The following SLC7A4 variants were observed in gnomAD, a reference collection of about 807,000 sequenced individuals.
SLC7A4 encodes cationic amino acid transporter 4.
In SLC7A4, 30 loss-of-function variants were observed where a neutral mutation model predicts 37.8. That is an observed-to-expected ratio of 0.79 (90% CI 0.59 to 1.08). The LOEUF is 1.08. Ranked by LOEUF, SLC7A4 falls within the 50% of genes least tolerant of loss-of-function variation. The probability of loss-of-function intolerance (pLI) is 0.00; values close to 1 mark genes in which losing one functional copy is unlikely to be tolerated. For synonymous variants in SLC7A4, 359 were observed against 376.5 expected, an observed-to-expected ratio of 0.95 and a Z score of 0.54; for missense variants, 839 against 843.2, an observed-to-expected ratio of 1.00 and a Z score of 0.06.
Position 21,029,241 on chromosome 22 carries a change from C to A in SLC7A4, c.1733-11G>T. The A allele has an allele frequency of 6.2e-7, 1 of 1,613,380 alleles. No homozygotes were observed. Among genetic ancestry groups the A allele is most frequent in the Non-Finnish European group, 8.5e-7 (1 of 1,179,818 alleles). ...AATACACTGCAAGTCCTAGACAGGG[C>A]AGGAGGCAGGGCATGAGCCTGAGGT... On this transcript the variant is annotated splice_polypyrimidine_tract_variant and intron_variant, in intron 4 of 4. Transcript: ENST00000382932.
chr22:21,032,290 CACAG>C (rs1173294473), intron 1 of SLC7A4, among the ~76,000 whole-genome samples: 20 of 152,182 alleles, frequency 1.3e-4, no homozygotes, highest in Non-Finnish European at 2.8e-4. Flanking sequence ...GCCACCTGGC[CACAG>C]ACAGACAGTG....
At position 21,029,884 on chromosome 22, in the gene SLC7A4, C is replaced by T. The variant is rs775131213; in HGVS notation, c.1450G>A (p.Val484Ile). 1.7e-5 allele frequency: 27 copies of T among 1,613,686 alleles called. No individual in the cohort carries two copies. Among genetic ancestry groups the T allele is most frequent in the East Asian group, 1.1e-4 (5 of 44,884 alleles). ...ATGGTGATGGCTGAGGCCAACATAA[C>T]GCCAAGCGCCCAAGTCACCACTGCT... Reference protein sequence around the residue: ...PGAVVTWALGVMLASAITIGC... With the variant: ...PGAVVTWALGIMLASAITIGC... Residue 484 changes from valine (V) to isoleucine (I), a missense_variant, in exon 3 of 5, where the codon GTT (valine) becomes ATT (isoleucine). Physicochemically the swap from Val to Ile is conservative, Grantham distance 29. Transcript: ENST00000382932.
chr22:21,031,493 T>C lies in SLC7A4; in HGVS notation c.320A>G (p.Tyr107Cys), dbSNP rs370199009. The C allele has an allele frequency of 1.3e-5, 21 of 1,609,966 alleles. No homozygotes were observed. The highest frequency in any genetic ancestry group is 1.7e-5 in the Admixed American group (1 of 59,638). Residue 107 changes from tyrosine to cysteine, a missense_variant, in exon 2 of 5, where the codon TAC becomes TGC. Coordinates refer to ENST00000382932, the MANE Select transcript of SLC7A4 (RefSeq NM_004173.3). ...PRTGSAYLFT[Y>C]VSMGELWAFL... ...GGCCCACAGCTCGCCCATGGATACG[T>C]AGGTGAACAGGTAGGCAGAGCCCGT...
chr22:21,029,308 C>T (rs1221932297), intron 4 of SLC7A4, 28 bp downstream of exon 4: 2 of 1,611,964 alleles, frequency 1.2e-6, no homozygotes, highest in East Asian at 2.2e-5. Flanking sequence ...CTCCTCCTGA[C>T]CCCGGTCCCA....
chr22:21,029,649 G>T, intron 3 of SLC7A4, 62 bp downstream of exon 3: 1 of 1,531,216 alleles, frequency 6.5e-7, no homozygotes, highest in Non-Finnish European at 8.9e-7. Context: ...TGGGATGGTA[G>T]TGGGGGAAGG....
chr22:21,031,923 G>C (rs557853006), intron 1 of SLC7A4, 71 bp from the exon 2 acceptor site: 4 of 1,117,684 alleles, frequency 3.6e-6, no homozygotes, highest in Admixed American at 6.9e-5. Flanking sequence ...CTCCTGGTCT[G>C]ACCACCCCCA....
chr22:21,028,982 G>A lies in SLC7A4; in HGVS notation c.*73C>T. 1 of 1,475,750 alleles carries A rather than the reference G, an allele frequency of 6.8e-7. No individual in the cohort carries two copies. Among genetic ancestry groups the A allele is most frequent in the Non-Finnish European group, 9.1e-7 (1 of 1,104,854 alleles). 91.4% of individuals were successfully genotyped at this position (1,475,750 alleles called of 1,614,324 possible). A position where few individuals can be genotyped will look rare whatever the true frequency, so the allele number is the denominator to read the frequency against. ...AACCCAGGCTGCCCACAACAGAAGG[G>A]GCTCTCGGCTTGTCTGGCCTCTCTG... On this transcript the variant is annotated 3_prime_UTR_variant, in exon 5 of 5. Transcript: ENST00000382932.
chr22:21,030,786 C>T (rs1338812517), intron 2 of SLC7A4, 45 bp downstream of exon 2: 1 of 1,521,732 alleles, frequency 6.6e-7, no homozygotes, highest in African/African-American at 1.4e-5. Context: ...GACAAGGTCC[C>T]CCTTGCTCTT....
chr22:21,030,345 T>C lies in SLC7A4; in HGVS notation c.989A>G (p.Asn330Ser). ...GAAGAGGAGGCTGAGCAGGACGGTG[T>C]TCATGGCTGTAGCAGAGAGAGTGGG... Reference protein sequence around the residue: ...IVAAGSICAMNTVLLSLLFSL... With the variant: ...IVAAGSICAMSTVLLSLLFSL... Residue 330 changes from asparagine to serine, a missense_variant, in exon 3 of 5, where the codon AAC (asparagine) becomes AGC (serine). By Grantham distance (46) the Asn-to-Ser change is conservative (BLOSUM62 1). Transcript: ENST00000382932. 1 of 1,601,662 alleles carries C rather than the reference T, an allele frequency of 6.2e-7. No homozygotes were observed. Among genetic ancestry groups the C allele is most frequent in the South Asian group, 1.1e-5 (1 of 89,804 alleles).
rs1928886410 is a variant in SLC7A4 at position 21,031,572 on chromosome 22, C to G, written c.241G>C (p.Ala81Pro). Residue 81 changes from alanine to proline, a missense_variant, in exon 2 of 5, where the codon GCC becomes CCC. Physicochemically the swap from Ala to Pro is conservative, Grantham distance 27. Coordinates refer to ENST00000382932, the MANE Select transcript of SLC7A4 (RefSeq NM_004173.3). ...TAGCATAGGGCTGCCAGCAGGGAGG[C>G]CACAGCGGCCACACCGAAGGACAAG... Reference protein sequence around the residue: ...VLLSFGVAAVASLLAALCYAE... With the variant: ...VLLSFGVAAVPSLLAALCYAE... The G allele has an allele frequency of 6.2e-7, 1 of 1,606,858 alleles. No homozygotes were observed. The highest frequency in any genetic ancestry group is 1.7e-5 in the Admixed American group (1 of 59,310).
In SLC7A4 at chr22:21,029,408, C is replaced by T. The variant is rs142051460; in HGVS notation, c.1660G>A (p.Val554Ile). Reference protein sequence around the residue: ...MVPLIPALSIVLNICLMLKLS... With the variant: ...MVPLIPALSIILNICLMLKLS... ...TTCAGCATGAGGCAGATGTTGAGGA[C>T]GATGCTCAGGGCTGGAATCAGGGGA... Residue 554 changes from valine to isoleucine, a missense_variant, in exon 4 of 5, where the codon GTC becomes ATC. Physicochemically the swap from Val to Ile is conservative, Grantham distance 29 (BLOSUM62 3). Coordinates refer to ENST00000382932, the MANE Select transcript of SLC7A4 (RefSeq NM_004173.3). 29 of 1,613,442 alleles carry T rather than the reference C, an allele frequency of 1.8e-5. No individual in the cohort carries two copies. Among genetic ancestry groups the T allele is most frequent in the Middle Eastern group, 1.6e-4 (1 of 6,084 alleles).
In SLC7A4 at chr22:21,029,734, G is replaced by A. The variant is rs1426052986; in HGVS notation, c.1600C>T (p.Gln534Ter). 3.1e-6 allele frequency: 5 copies of A among 1,612,662 alleles called. No individual in the cohort carries two copies. Among genetic ancestry groups the A allele is most frequent in the Non-Finnish European group, 4.2e-6 (5 of 1,179,854 alleles). ...ACCTGAAATAAGTCTTCCCGATACT[G>A]TTGCTGGTGAGCCCCCAGGACAAGG... ...SLLVLGAHQQ[Q>*]YREDLFQIPM... Residue 534 changes from glutamine (Q) to a stop codon, truncating the protein, a stop_gained, in exon 3 of 5, where the codon CAG becomes TAG. Transcript: ENST00000382932. LOFTEE classifies it high-confidence loss of function.
Position 21,030,041 on chromosome 22 carries a change from CAG to C in SLC7A4, c.1291_1292del (p.Leu431AspfsTer23), listed in dbSNP as rs1928830281. On this transcript the variant is annotated frameshift_variant, in exon 3 of 5. Transcript: ENST00000382932. LOFTEE classifies it high-confidence loss of function. ...SSPGPASPGP[L>X]TKQQSSFSDH... ...CTGAGAAGGAGCTCTGCTGCTTGGT[CAG>C]GGGGCCAGGGCTGGCTGGGCCTGGG... The C allele has an allele frequency of 6.2e-7, 1 of 1,612,778 alleles. No individual in the cohort carries two copies. Among genetic ancestry groups the C allele is most frequent in the Non-Finnish European group, 8.5e-7 (1 of 1,179,548 alleles).
Position 21,031,660 on chromosome 22 carries a change from C to T in SLC7A4, c.153G>A (p.Val51=). ...DLTLLGVGGM[V]GSGLYVLTGA... ...CTGTGAGCACGTAGAGACCCGAGCC[C>T]ACCATGCCACCCACGCCCAGAAGAG... The change falls in exon 2 of 5, where the codon GTG becomes GTA. Residue 51 remains valine, a synonymous_variant. Coordinates refer to ENST00000382932, the MANE Select transcript of SLC7A4 (RefSeq NM_004173.3). 1.2e-6 allele frequency: 2 copies of T among 1,613,228 alleles called. No individual in the cohort carries two copies. Among genetic ancestry groups the T allele is most frequent in the African/African-American group, 1.3e-5 (1 of 75,044 alleles).
chr22:21,031,989 G>A (rs1230574699), intron 1 of SLC7A4, 137 bp from the exon 2 acceptor site: 6 of 518,274 alleles, frequency 1.2e-5, no homozygotes, highest in Non-Finnish European at 1.5e-5. Context: ...GGGCCTGCTG[G>A]AGAGCTGGAA....
Position 21,029,224 on chromosome 22 carries a change from G to C in SLC7A4, c.1739C>G (p.Ala580Gly). ...CCGGATGCCATAGCCGAAATACACT[G>C]CAAGTCCTAGACAGGGCAGGAGGCA... ...RFSIWLLMGLAVYFGYGIRHS... is the reference protein window; with the variant it reads ...RFSIWLLMGLGVYFGYGIRHS... Residue 580 changes from alanine (A) to glycine (G), a missense_variant, in exon 5 of 5, where the codon GCA (alanine) becomes GGA (glycine). Physicochemically the swap from Ala to Gly is moderately conservative, Grantham distance 60. Transcript: ENST00000382932. 6.2e-7 allele frequency: 1 copy of C among 1,613,732 alleles called. No homozygotes were observed. The highest frequency in any genetic ancestry group is 8.5e-7 in the Non-Finnish European group (1 of 1,179,954).
intron 1 of SLC7A4, 21 bp from the exon 2 acceptor site, chr22:21,031,873 T>C: frequency 7.0e-7 from 1 of 1,429,396 alleles, no homozygotes; most frequent in South Asian, 1.6e-5. Context: ...CAGAGGGGAA[T>C]GACAGGATGC....
rs531420861 is a variant in SLC7A4, at chr22:21,029,852, G to A, written c.1482C>T (p.Cys494=). ...VMLASAITIG[C]VLVFGNSTLH... ...GGGTCGAGTTCCCAAAGACAAGCACGCAGCCTATGGTGATGGCTGAGGCCA... is the reference window on the plus strand; with the variant it reads ...GGGTCGAGTTCCCAAAGACAAGCACACAGCCTATGGTGATGGCTGAGGCCA... Residue 494 remains cysteine (C), a synonymous_variant, in exon 3 of 5, where the codon TGC becomes TGT. Transcript: ENST00000382932. 172 of 1,613,770 alleles carry A rather than the reference G, an allele frequency of 1.1e-4. 3 individuals carry two copies. The South Asian group carries it at 1.6e-3, about 15-fold the overall frequency.
At position 21,031,713 on chromosome 22, in the gene SLC7A4, G is replaced by A. The variant is rs781774672; in HGVS notation, c.100C>T (p.Arg34Trp). 6.8e-6 allele frequency: 11 copies of A among 1,612,368 alleles called. No individual in the cohort carries two copies. Among genetic ancestry groups the A allele is most frequent in the African/African-American group, 4.0e-5 (3 of 74,890 alleles). ...LEDSTMETSL[R>W]RCLSTLDLTL... The stretch of plus-strand genomic sequence containing the variant: ...AGGTCCAGCGTGGACAGGCAGCGCC[G>A]CAGTGACGTCTCCATGGTGGAGTCC... The change falls in exon 2 of 5, where the codon CGG becomes TGG. Residue 34 changes from arginine to tryptophan, a missense_variant. Physicochemically the swap from Arg to Trp is moderately radical, Grantham distance 101 (BLOSUM62 -3). Transcript: ENST00000382932.
Sources: allele counts gnomAD v4.1 joint callset (sites outside exome capture counted in the v4.1 genomes callset), GRCh38; gene constraint gnomAD v4.1.1; transcripts MANE v1.5; gene names NCBI Gene and HGNC (gene_info 2026-07-23, HGNC 2026-07-21).